The following MKKS variants were observed in gnomAD, a reference collection of about 807,000 sequenced individuals.
MKKS encodes the protein MKKS centrosomal shuttling protein.
A neutral mutation model predicts 33.2 loss-of-function variants in MKKS; 29 were observed. The ratio of observed to expected loss-of-function variants is 0.87; its 90% CI spans 0.65 to 1.19. The LOEUF is 1.19. Ranked by LOEUF, MKKS falls within the 50% of genes most tolerant of loss-of-function variation. The pLI, the probability that MKKS is intolerant of heterozygous loss-of-function variation, is 0.00. For missense variants in MKKS, 661 were observed against 662.3 expected, an observed-to-expected ratio of 1.00 and a Z score of 0.02; for synonymous variants, 260 against 244.0, an observed-to-expected ratio of 1.07 and a Z score of -0.61.
intron 1 of MKKS, among the ~76,000 whole-genome samples, chr20:10,428,287 G>C (rs146511931): frequency 0.016 from 2,459 of 152,232 alleles, 39 homozygotes; most frequent in South Asian, 0.026. Context: ...AGGGGAGTAG[G>C]TATCATGCAG....
At position 10,412,194 on chromosome 20, in the gene MKKS, G is replaced by A. The variant is rs368852872; in HGVS notation, c.985+336C>T. On this transcript the variant is annotated intron_variant, in intron 3 of 5. Coordinates refer to ENST00000347364, the MANE Select transcript of MKKS (RefSeq NM_170784.3). ...TTTCTAAATATAACATGATTTAAAAGTTTTGTCAATTGAGGCTGAAGAATT... is the reference window on the plus strand; with the variant it reads ...TTTCTAAATATAACATGATTTAAAAATTTTGTCAATTGAGGCTGAAGAATT... Among the ~76,000 whole-genome samples, 280 of 152,310 alleles carry A rather than the reference G, an allele frequency of 1.8e-3. 7 individuals are homozygous for A. The South Asian group carries it at 0.046, about 25-fold the overall frequency.
At chr20:10,427,363 T>C (rs1196788412) in intron 1 of MKKS, among the ~76,000 whole-genome samples, 1 of 152,130 alleles carries the variant, frequency 6.6e-6, no homozygotes, top group East Asian at 1.9e-4. Context: ...TTTGAAAAAA[T>C]TGTAATTTTT....
At chr20:10,428,745 AG>A (rs1440875657) in intron 1 of MKKS, among the ~76,000 whole-genome samples, 11 of 152,180 alleles carry the variant, frequency 7.2e-5, no homozygotes, top group African/African-American at 2.4e-4. Context: ...AGGCTGAAAC[AG>A]GAGAATCGCT....
At chr20:10,409,144 G>C (rs958980431) in intron 3 of MKKS, among the ~76,000 whole-genome samples, 6 of 152,112 alleles carry the variant, frequency 3.9e-5, no homozygotes, top group African/African-American at 1.4e-4. Flanking sequence ...TCAGGGTTTA[G>C]AGACCCCAAA....
intron 1 of MKKS, among the ~76,000 whole-genome samples, chr20:10,430,550 G>C (rs1174159774): frequency 6.6e-6 from 1 of 152,190 alleles, no homozygotes; most frequent in Non-Finnish European, 1.5e-5. Context: ...CAAACTAAGG[G>C]AAGTGGTCCC....
chr20:10,433,581 C>G (rs540212191), intron 1 of MKKS, among the ~76,000 whole-genome samples: 3 of 152,322 alleles, frequency 2.0e-5, no homozygotes, highest in African/African-American at 7.2e-5. Flanking sequence ...GGAAGACGAG[C>G]ATGACCTTAG....
At chr20:10,425,565 T>C (rs572450033) in intron 1 of MKKS, among the ~76,000 whole-genome samples, 96 of 152,350 alleles carry the variant, frequency 6.3e-4, no homozygotes, top group African/African-American at 2.1e-3. Flanking sequence ...TGAAACAAAC[T>C]TAAGCTATTT....
At chr20:10,433,304 G>T (rs1355485634) in intron 1 of MKKS, among the ~76,000 whole-genome samples, 3 of 152,132 alleles carry the variant, frequency 2.0e-5, no homozygotes, top group Admixed American at 6.5e-5. Context: ...AAACCCCGCC[G>T]CCCCAAAATA....
At position 10,420,689 on chromosome 20, in the gene MKKS, C is replaced by T. The variant is rs189939892; in HGVS notation, c.-579G>A. ...AAATGTATGAGCCCAACTAAAGGGA[C>T]CATAACAACCAAAACTTTGTAGTCT... is the stretch of plus-strand genomic sequence containing the variant. On this transcript the variant is annotated 5_prime_UTR_variant, in exon 2 of 6. Coordinates refer to ENST00000347364, the MANE Select transcript of MKKS (RefSeq NM_170784.3). 1 of 152,200 alleles carries T rather than the reference C, an allele frequency of 6.6e-6. No individual in the cohort carries two copies. The highest frequency in any genetic ancestry group is 6.5e-5 in the Admixed American group (1 of 15,284). The allele number at this position is 152,200 out of a possible 1,614,324, so 9.4% of individuals were successfully genotyped here.
At chr20:10,408,561 T>C in intron 4 of MKKS, 67 bp downstream of exon 4, 1 of 1,539,418 alleles carries the variant, frequency 6.5e-7, no homozygotes. Context: ...AAAAAAATCA[T>C]AATAACTATT....
rs756259125 is a variant in MKKS, at chr20:10,413,262, CAT to C, written c.251_252del (p.His84ArgfsTer6). On this transcript the variant is annotated frameshift_variant, in exon 3 of 6. Coordinates refer to ENST00000347364, the MANE Select transcript of MKKS (RefSeq NM_170784.3). LOFTEE classifies it high-confidence loss of function. ...LKILTASIQN[H>X]VSSFSDCGLF... Reference sequence around the variant, plus strand: ...AAGCCACAATCACTGAAGCTTGACACATGATTCTGTATGGAGGCTGTCAGGAT... The same window carrying C: ...AAGCCACAATCACTGAAGCTTGACACGATTCTGTATGGAGGCTGTCAGGAT... The C allele has an allele frequency of 3.1e-6, 5 of 1,614,216 alleles. No individual in the cohort carries two copies. The highest frequency in any genetic ancestry group is 1.7e-5 in the Admixed American group (1 of 60,016).
intron 2 of MKKS, among the ~76,000 whole-genome samples, chr20:10,418,188 G>A (rs2064954011): frequency 6.6e-6 from 1 of 152,216 alleles, no homozygotes; most frequent in African/African-American, 2.4e-5. Flanking sequence ...TGGAGCTTAA[G>A]ATTTGATTTA....
chr20:10,405,263 A>G lies in MKKS; in HGVS notation c.1697T>C (p.Ile566Thr), dbSNP rs1438265628. Reference protein sequence around the residue: ...ANLILDLSYVIEDKN With the variant: ...ANLILDLSYVTEDKN Reference sequence around the variant, plus strand: ...GCTATTCTCTTAGTTTTTATCTTCAATAACATATGAAAGATCCAAAATCAA... The same window carrying G: ...GCTATTCTCTTAGTTTTTATCTTCAGTAACATATGAAAGATCCAAAATCAA... The change falls in exon 6 of 6, where the codon ATT becomes ACT. Residue 566 changes from isoleucine (I) to threonine (T), a missense_variant. Ile to Thr is a moderately conservative substitution (Grantham distance 89). Coordinates refer to ENST00000347364, the MANE Select transcript of MKKS (RefSeq NM_170784.3). 1 of 1,612,092 alleles carries G rather than the reference A, an allele frequency of 6.2e-7. No individual in the cohort carries two copies. Among genetic ancestry groups the G allele is most frequent in the Admixed American group, 1.7e-5 (1 of 59,700 alleles).
chr20:10,417,313 T>TA (rs1438044333), intron 2 of MKKS, among the ~76,000 whole-genome samples: 1 of 151,880 alleles, frequency 6.6e-6, no homozygotes, highest in Non-Finnish European at 1.5e-5. Flanking sequence ...ACTTGCCTGT[T>TA]AATCTTAGCA....
At chr20:10,415,680 G>A (rs547670637) in intron 2 of MKKS, among the ~76,000 whole-genome samples, 48 of 152,242 alleles carry the variant, frequency 3.2e-4, no homozygotes, top group African/African-American at 1.1e-3. Flanking sequence ...TAATTTGCAC[G>A]TTAAAACTTA....
chr20:10,433,109 T>G (rs1482354652), intron 1 of MKKS, among the ~76,000 whole-genome samples: 1 of 152,250 alleles, frequency 6.6e-6, no homozygotes, highest in Non-Finnish European at 1.5e-5. Flanking sequence ...GCTCAAGCGA[T>G]TCTCCTGCCT....
chr20:10,405,769 A>C, intron 5 of MKKS, 82 bp from the exon 6 acceptor site: 1 of 1,245,900 alleles, frequency 8.0e-7, no homozygotes, highest in Admixed American at 1.9e-5. Context: ...CTGAAATCAA[A>C]ATCTTATTCC....
chr20:10,409,814 T>C lies in MKKS; in HGVS notation c.986-1011A>G, dbSNP rs147782740. Among the ~76,000 whole-genome samples, 551 of 151,526 alleles carry C rather than the reference T, an allele frequency of 3.6e-3. 7 individuals carry two copies. Among genetic ancestry groups the C allele is most frequent in the African/African-American group, 0.012 (512 of 41,290 alleles). ...GGTGAAACCCCGTCTCTACTAAAAA[T>C]ACAAAAACTAGCCGGGCGTGGTGGC... On this transcript the variant is annotated intron_variant, in intron 3 of 5. Transcript: ENST00000347364.
At position 10,413,291 on chromosome 20, in the gene MKKS, T is replaced by C; in HGVS notation, c.224A>G (p.Lys75Arg). ...SHLLVTHPIL[K>R]ILTASIQNHV... ...ATTCTGTATGGAGGCTGTCAGGATC[T>C]TTAAAATGGGATGTGTGACCAAAAG... Residue 75 changes from lysine to arginine, a missense_variant, in exon 3 of 6, where the codon AAG becomes AGG. Physicochemically the swap from Lys to Arg is conservative, Grantham distance 26. Coordinates refer to ENST00000347364, the MANE Select transcript of MKKS (RefSeq NM_170784.3). 1 of 1,614,250 alleles carries C rather than the reference T, an allele frequency of 6.2e-7. No homozygotes were observed.
Sources: allele counts gnomAD v4.1 joint callset (sites outside exome capture counted in the v4.1 genomes callset), GRCh38; gene constraint gnomAD v4.1.1; transcripts MANE v1.5; gene names NCBI Gene and HGNC (gene_info 2026-07-23, HGNC 2026-07-21).